The following LRRC4C variants were observed in gnomAD, a reference collection of about 807,000 sequenced individuals.
LRRC4C encodes leucine rich repeat containing 4C, also known as leucine-rich repeat-containing protein 4C.
A neutral mutation model predicts 33.6 loss-of-function variants in LRRC4C; 5 were observed. The observed-to-expected ratio is 0.15, with a 90% CI of 0.08 to 0.31. LRRC4C has a LOEUF of 0.31. LRRC4C is among the 10% of genes least tolerant of loss of function. The pLI is 1.00. For missense variants in LRRC4C, 560 were observed against 796.7 expected, an observed-to-expected ratio of 0.70 and a Z score of 3.58; for synonymous variants, 329 against 302.0, an observed-to-expected ratio of 1.09 and a Z score of -0.93.
At chr11:40,124,074 G>A (rs2927204) in intron 6 of LRRC4C, among the ~76,000 whole-genome samples, 139,931 of 152,206 alleles carry the variant, frequency 0.92, 64,386 homozygotes, top group Admixed American at 0.96. Flanking sequence ...CTCTGGTCGT[G>A]TAAAAAAATC....
intron 4 of LRRC4C, among the ~76,000 whole-genome samples, chr11:40,272,352 C>T (rs1261685362): frequency 6.6e-6 from 1 of 152,064 alleles, no homozygotes; most frequent in African/African-American, 2.4e-5. Flanking sequence ...TGGGCCCAAA[C>T]CTTCCTTGAT....
intron 5 of LRRC4C, among the ~76,000 whole-genome samples, chr11:40,224,287 T>C (rs569473678): frequency 6.6e-6 from 1 of 152,298 alleles, no homozygotes; most frequent in South Asian, 2.1e-4. Context: ...GCACCTAGCA[T>C]TTATATCTTT....
chr11:40,527,754 T>C (rs537950257), intron 3 of LRRC4C, among the ~76,000 whole-genome samples: 1 of 148,644 alleles, frequency 6.7e-6, no homozygotes, highest in East Asian at 1.9e-4. Flanking sequence ...AGTTAGAAGA[T>C]AATTTTTTTT....
chr11:41,234,034 T>G (rs1163113691), intron 1 of LRRC4C, among the ~76,000 whole-genome samples: 1 of 150,992 alleles, frequency 6.6e-6, no homozygotes, highest in African/African-American at 2.4e-5. Flanking sequence ...TGTGCAGAAA[T>G]GCACAAGCAC....
chr11:40,159,329 T>G (rs939216904), intron 5 of LRRC4C, among the ~76,000 whole-genome samples: 1 of 152,062 alleles, frequency 6.6e-6, no homozygotes, highest in African/African-American at 2.4e-5. Flanking sequence ...AGAAATCAAG[T>G]GATTAAGATG....
chr11:40,928,797 A>G (rs2136439182), intron 2 of LRRC4C, among the ~76,000 whole-genome samples: 1 of 152,282 alleles, frequency 6.6e-6, no homozygotes, highest in Non-Finnish European at 1.5e-5. Flanking sequence ...CTAAAAGAAA[A>G]TTGGGGTAAG....
At chr11:41,175,474 G>T (rs1418478422) in intron 1 of LRRC4C, among the ~76,000 whole-genome samples, 1 of 152,082 alleles carries the variant, frequency 6.6e-6, no homozygotes, top group East Asian at 1.9e-4. Flanking sequence ...GATCCAGGCT[G>T]TTGGAACTTC....
chr11:41,012,239 C>G (rs920585987), intron 1 of LRRC4C, among the ~76,000 whole-genome samples: 1 of 151,990 alleles, frequency 6.6e-6, no homozygotes, highest in Non-Finnish European at 1.5e-5. Context: ...CCTCTTCTTT[C>G]CCCTACCCTT....
chr11:41,169,732 C>T (rs1029806654), intron 1 of LRRC4C, among the ~76,000 whole-genome samples: 1 of 152,034 alleles, frequency 6.6e-6, no homozygotes, highest in African/African-American at 2.4e-5. Flanking sequence ...CAAGGAGATC[C>T]CAGATAGCAA....
intron 2 of LRRC4C, among the ~76,000 whole-genome samples, chr11:40,689,063 AG>A: frequency 6.6e-6 from 1 of 152,228 alleles, no homozygotes; most frequent in East Asian, 1.9e-4. Context: ...AATTTAAAAT[AG>A]AAAAAGAGCC....
At chr11:41,228,149 T>A (rs1001581217) in intron 1 of LRRC4C, among the ~76,000 whole-genome samples, 17 of 152,228 alleles carry the variant, frequency 1.1e-4, no homozygotes, top group African/African-American at 4.1e-4. Context: ...TCTATGTTAT[T>A]TTTCACAGAC....
rs2201237 is a variant in LRRC4C at position 41,055,675 on chromosome 11, T to C, written c.-495-121952A>G. ...TCAAACACTTACAAAATTATGTCTC[T>C]GTAAAGGGGGTTGAATTTATACAGA... On this transcript the variant is annotated intron_variant, in intron 1 of 6. Transcript: ENST00000528697. 8.8e-3 allele frequency among the ~76,000 whole-genome samples: 1,337 copies of C among 152,240 alleles called. 18 individuals are homozygous for C. Among genetic ancestry groups the C allele is most frequent in the African/African-American group, 0.03 (1,228 of 41,544 alleles).
chr11:41,310,322 T>C (rs1316915576), intron 1 of LRRC4C, among the ~76,000 whole-genome samples: 2 of 152,262 alleles, frequency 1.3e-5, no homozygotes, highest in Non-Finnish European at 1.5e-5. Flanking sequence ...CTGATGTTGC[T>C]GTGTGCCTCA....
chr11:40,492,060 G>A (rs1289542122), intron 3 of LRRC4C, among the ~76,000 whole-genome samples: 4 of 152,100 alleles, frequency 2.6e-5, no homozygotes, highest in Non-Finnish European at 2.9e-5. Context: ...TTTTCTAGAG[G>A]CCTTCTTTAA....
rs1857335153 is a variant in LRRC4C at position 41,040,052 on chromosome 11, G to A, written c.-495-106329C>T. On this transcript the variant is annotated intron_variant, in intron 1 of 6. Transcript: ENST00000528697. ...ACTCGGGAGGCTGAGGCAGGAGGAT[G>A]GCGTGAACCCAGGAGGCAGAGCTTG... is the stretch of plus-strand genomic sequence containing the variant. Among the ~76,000 whole-genome samples the A allele has an allele frequency of 2.0e-5, 3 of 150,746 alleles. No homozygotes were observed. In the South Asian group the frequency reaches 6.3e-4, roughly 32 times the overall value.
At chr11:40,548,816 G>A (rs555277110) in intron 3 of LRRC4C, among the ~76,000 whole-genome samples, 15 of 152,158 alleles carry the variant, frequency 9.9e-5, no homozygotes, top group African/African-American at 1.9e-4. Flanking sequence ...TAAGAAAAAC[G>A]TGAGTAGGCT....
chr11:40,615,039 T>C (rs1354139159), intron 3 of LRRC4C, among the ~76,000 whole-genome samples: 1 of 150,228 alleles, frequency 6.7e-6, no homozygotes, highest in Non-Finnish European at 1.5e-5. Context: ...GTGGTGCCAA[T>C]AGACTTGCCT....
chr11:40,787,708 G>T (rs1419241127), intron 2 of LRRC4C, among the ~76,000 whole-genome samples: 1 of 152,124 alleles, frequency 6.6e-6, no homozygotes, highest in East Asian at 1.9e-4. Flanking sequence ...CCTATTAAAG[G>T]CACATAATTT....
intron 3 of LRRC4C, among the ~76,000 whole-genome samples, chr11:40,636,581 T>C (rs1705719326): frequency 6.6e-6 from 1 of 152,118 alleles, no homozygotes; most frequent in Admixed American, 6.5e-5. Flanking sequence ...TTCTCATAAA[T>C]ATCCCAAATG....
Sources: allele counts gnomAD v4.1 joint callset (sites outside exome capture counted in the v4.1 genomes callset), GRCh38; gene constraint gnomAD v4.1.1; transcripts MANE v1.5; gene names NCBI Gene and HGNC (gene_info 2026-07-23, HGNC 2026-07-21).